ADAMTS12: variants seen among roughly 807,000 people sequenced by gnomAD.
ADAMTS12 encodes the protein A disintegrin and metalloproteinase with thrombospondin motifs 12.
In ADAMTS12, 118 loss-of-function variants were observed where a neutral mutation model predicts 167.8. The ratio of observed to expected loss-of-function variants is 0.70; its 90% CI spans 0.61 to 0.82. The LOEUF is 0.82. ADAMTS12 is among the 40% of genes least tolerant of loss of function. The probability of loss-of-function intolerance (pLI) is 0.00; values close to 1 mark genes in which losing one functional copy is unlikely to be tolerated. For synonymous variants in ADAMTS12, 704 were observed against 716.9 expected (o/e 0.98, Z 0.29); for missense variants, 1,916 against 1,998.8 (o/e 0.96, Z 0.79).
At chr5:33,760,750 T>G (rs1482620161) in intron 2 of ADAMTS12, among the ~76,000 whole-genome samples, 1 of 152,224 alleles carries the variant, frequency 6.6e-6, no homozygotes, top group Non-Finnish European at 1.5e-5. Context: ...CCTGAAAATA[T>G]GGCTCTTTGA....
chr5:33,713,380 AG>A (rs1161719878), intron 3 of ADAMTS12, among the ~76,000 whole-genome samples: 11 of 37,198 alleles, frequency 3.0e-4, no homozygotes, highest in Non-Finnish European at 4.9e-4. Flanking sequence ...CTTCCTCATT[AG>A]TTTTAACTTC....
chr5:33,818,047 A>G (rs1747730308), intron 2 of ADAMTS12, among the ~76,000 whole-genome samples: 1 of 152,270 alleles, frequency 6.6e-6, no homozygotes, highest in South Asian at 2.1e-4. Context: ...ATATGTAGAC[A>G]GCAAAATAAA....
At chr5:33,565,547 T>C (rs1745971842) in intron 19 of ADAMTS12, among the ~76,000 whole-genome samples, 1 of 152,166 alleles carries the variant, frequency 6.6e-6, no homozygotes, top group African/African-American at 2.4e-5. Context: ...AAATGTGGAG[T>C]TCTATTCTAG....
chr5:33,689,085 A>G (rs1742456089), intron 3 of ADAMTS12, among the ~76,000 whole-genome samples: 1 of 152,206 alleles, frequency 6.6e-6, no homozygotes, highest in Non-Finnish European at 1.5e-5. Context: ...CTGGGCAGCA[A>G]CACAGCAACA....
intron 3 of ADAMTS12, among the ~76,000 whole-genome samples, chr5:33,695,293 A>G (rs1742714924): frequency 6.6e-6 from 1 of 152,160 alleles, no homozygotes; most frequent in African/African-American, 2.4e-5. Flanking sequence ...CTAGTTCCTC[A>G]CCCACTAGAA....
chr5:33,828,157 A>C (rs1748163175), intron 2 of ADAMTS12, among the ~76,000 whole-genome samples: 1 of 152,208 alleles, frequency 6.6e-6, no homozygotes, highest in Non-Finnish European at 1.5e-5. Context: ...CTGGCAGTGC[A>C]AGAGGTCCTG....
intron 2 of ADAMTS12, among the ~76,000 whole-genome samples, chr5:33,828,446 T>C (rs1311623540): frequency 6.6e-6 from 1 of 152,224 alleles, no homozygotes; most frequent in Non-Finnish European, 1.5e-5. Flanking sequence ...CTTACTGTTA[T>C]ATCTTTCTGT....
At chr5:33,771,932 C>G (rs1030460884) in intron 2 of ADAMTS12, among the ~76,000 whole-genome samples, 2 of 151,740 alleles carry the variant, frequency 1.3e-5, no homozygotes, top group African/African-American at 4.8e-5. Flanking sequence ...TGGGATTAAG[C>G]CTCAAGCTAT....
chr5:33,836,695 G>A (rs969438156), intron 2 of ADAMTS12, among the ~76,000 whole-genome samples: 1 of 152,104 alleles, frequency 6.6e-6, no homozygotes, highest in Non-Finnish European at 1.5e-5. Context: ...AGCAGCTCTC[G>A]GAGGAGGTGG....
At chr5:33,610,792 C>T (rs2112082590) in intron 16 of ADAMTS12, among the ~76,000 whole-genome samples, 2 of 152,244 alleles carry the variant, frequency 1.3e-5, no homozygotes, top group East Asian at 3.9e-4. Flanking sequence ...AGAGACTGGG[C>T]ACAGTGGCTC....
intron 3 of ADAMTS12, among the ~76,000 whole-genome samples, chr5:33,738,508 T>C (rs1188311981): frequency 6.6e-6 from 1 of 152,234 alleles, no homozygotes; most frequent in Admixed American, 6.5e-5. Context: ...GAAGAGCTAA[T>C]GAGAAATGGC....
intron 3 of ADAMTS12, among the ~76,000 whole-genome samples, chr5:33,705,926 G>A (rs1743186988): frequency 6.6e-6 from 1 of 152,038 alleles, no homozygotes; most frequent in African/African-American, 2.4e-5. Context: ...TTTAACCGAT[G>A]TGAAAGACCT....
At chr5:33,824,878 A>T (rs1437536019) in intron 2 of ADAMTS12, among the ~76,000 whole-genome samples, 1 of 152,158 alleles carries the variant, frequency 6.6e-6, no homozygotes, top group Non-Finnish European at 1.5e-5. Flanking sequence ...ATACTTTGAT[A>T]GCTTTTCAGC....
intron 2 of ADAMTS12, among the ~76,000 whole-genome samples, chr5:33,827,595 C>T (rs1024441680): frequency 1.3e-5 from 2 of 151,776 alleles, no homozygotes; most frequent in African/African-American, 4.8e-5. Context: ...TTCCTTTATC[C>T]CCACTTCCCT....
chr5:33,886,095 C>G (rs1179850098), intron 1 of ADAMTS12, among the ~76,000 whole-genome samples: 2 of 152,178 alleles, frequency 1.3e-5, no homozygotes, highest in African/African-American at 4.8e-5. Flanking sequence ...TAGAAACTGC[C>G]TCTGAAGATA....
chr5:33,636,654 G>C (rs1382592958), intron 12 of ADAMTS12, among the ~76,000 whole-genome samples: 1 of 152,032 alleles, frequency 6.6e-6, no homozygotes, highest in Non-Finnish European at 1.5e-5. Flanking sequence ...GATTTTTCTT[G>C]TGCCCTATTC....
intron 3 of ADAMTS12, among the ~76,000 whole-genome samples, chr5:33,750,993 T>G (rs1172575313): frequency 6.6e-6 from 1 of 152,226 alleles, no homozygotes; most frequent in Non-Finnish European, 1.5e-5. Context: ...TGTGATGAGC[T>G]GTCTGGTAAT....
intron 2 of ADAMTS12, among the ~76,000 whole-genome samples, chr5:33,874,146 A>G (rs1750139136): frequency 6.6e-6 from 1 of 152,238 alleles, no homozygotes; most frequent in South Asian, 2.1e-4. Flanking sequence ...GACAAGTCAT[A>G]TACTGACAGA....
intron 2 of ADAMTS12, among the ~76,000 whole-genome samples, chr5:33,848,826 A>G (rs1467869044): frequency 6.6e-6 from 1 of 152,162 alleles, no homozygotes; most frequent in Non-Finnish European, 1.5e-5. Context: ...ATATGAATCT[A>G]GAACGTAGAT....
Sources: gnomAD v4.1 joint callset for allele counts (sites outside exome capture counted in the v4.1 genomes callset) on GRCh38, gnomAD v4.1.1 for gene constraint, MANE v1.5 for transcripts, NCBI Gene and HGNC (gene_info 2026-07-23, HGNC 2026-07-21) for gene names.